The following KIRREL3 variants were observed in gnomAD, a reference collection of about 807,000 sequenced individuals.
KIRREL3 encodes kirre like nephrin family adhesion molecule 3.
In KIRREL3, 36 loss-of-function variants were observed where a neutral mutation model predicts 89.7. The observed-to-expected ratio is 0.40, with a 90% CI of 0.31 to 0.53. KIRREL3 has a LOEUF of 0.53. Among genes scored for constraint, KIRREL3 ranks in the 20% least tolerant of loss-of-function variants. KIRREL3 has a pLI of 0.49. For synonymous variants in KIRREL3, 445 were observed against 441.4 expected, an observed-to-expected ratio of 1.01 and a Z score of -0.10; for missense variants, 864 against 1,056.6, an observed-to-expected ratio of 0.82 and a Z score of 2.53.
chr11:126,532,943 G>T (rs973113786), intron 2 of KIRREL3, among the ~76,000 whole-genome samples: 1 of 151,414 alleles, frequency 6.6e-6, no homozygotes, highest in African/African-American at 2.4e-5. Context: ...TATTTTTATT[G>T]CTATAAAATT....
intron 1 of KIRREL3, among the ~76,000 whole-genome samples, chr11:126,992,900 TC>T (rs1393211331): frequency 6.6e-6 from 1 of 152,156 alleles, no homozygotes; most frequent in East Asian, 1.9e-4. Flanking sequence ...GTTTCCATGA[TC>T]TTTTTTCTTC....
chr11:126,440,585 AG>A, intron 10 of KIRREL3, 36 bp from the exon 11 acceptor site: 1 of 1,543,838 alleles, frequency 6.5e-7, no homozygotes. Context: ...GCACCCGGGA[AG>A]GGCACGTCCC....
rs769505887 is a variant in KIRREL3, at chr11:126,455,399, ATG to A, written c.848+948_848+949del. 5.2e-4 allele frequency among the ~76,000 whole-genome samples: 79 copies of A among 152,234 alleles called. 1 individual carries two copies. The highest frequency in any genetic ancestry group is 3.2e-3 in the Middle Eastern group (1 of 316). ...ATCTAAGGAGCATGTGGTTTATGCC[ATG>A]TGCTGTGCTGCATGCTGAGAGCCAT... On this transcript the variant is annotated intron_variant, in intron 7 of 16. Transcript: ENST00000525144. The surrounding 1 kb of genome is among the most constrained non-coding windows in gnomAD (Gnocchi z 6.4).
At chr11:126,583,839 C>T (rs747142192) in intron 1 of KIRREL3, among the ~76,000 whole-genome samples, 4 of 152,230 alleles carry the variant, frequency 2.6e-5, no homozygotes, top group South Asian at 2.1e-4. Flanking sequence ...TGACAGCTGA[C>T]GGCAGGCCCG....
intron 1 of KIRREL3, among the ~76,000 whole-genome samples, chr11:126,854,426 C>T (rs1334735006): frequency 6.6e-6 from 1 of 152,168 alleles, no homozygotes; most frequent in Non-Finnish European, 1.5e-5. Flanking sequence ...TCTACTTTGT[C>T]TCTATGAATT....
Position 126,496,467 on chromosome 11 carries a change from T to G in KIRREL3, c.434-23001A>C, listed in dbSNP as rs1228628083. 1.3e-5 allele frequency among the ~76,000 whole-genome samples: 2 copies of G among 152,014 alleles called. No homozygotes were observed. The highest frequency in any genetic ancestry group is 2.9e-5 in the Non-Finnish European group (2 of 68,012). On this transcript the variant is annotated intron_variant, in intron 4 of 16. Coordinates refer to ENST00000525144, the MANE Select transcript of KIRREL3 (RefSeq NM_032531.4). The surrounding 1 kb of genome is among the most constrained non-coding windows in gnomAD (Gnocchi z 4.9). ...CTAGGAATTCCCATGATAAGTTCAG[T>G]GCCTTCCCTGCCACCCCATGGCTGC...
chr11:126,444,889 G>C, intron 10 of KIRREL3, 90 bp downstream of exon 10: 2 of 1,554,288 alleles, frequency 1.3e-6, no homozygotes, highest in Non-Finnish European at 1.8e-6. Flanking sequence ...CAGAGCCAGC[G>C]ACAGCTCCTT....
rs917809933 is a variant in KIRREL3 at position 126,953,321 on chromosome 11, G to A, written c.55+47134C>T. ...ACACAGGGAGGGGACATCATACACC[G>A]GGGCTTGTTGTGGGGTGGGGGGCTA... On this transcript the variant is annotated intron_variant, in intron 1 of 16. Transcript: ENST00000525144. This position sits in a 1 kb window ranked among gnomAD's most constrained non-coding sequence, Gnocchi z 5.2. Among the ~76,000 whole-genome samples, 21 of 151,904 alleles carry A rather than the reference G, an allele frequency of 1.4e-4. No homozygotes were observed. The highest frequency in any genetic ancestry group is 1.9e-4 in the African/African-American group (8 of 41,320).
Position 126,898,005 on chromosome 11 carries a change from T to A in KIRREL3, c.55+102450A>T, listed in dbSNP as rs1044382942. ...GTCTAGCACTATTGTGTCACTGAAT[T>A]CCTACAGAATCTTAGCAGTCATTGT... On this transcript the variant is annotated intron_variant, in intron 1 of 16. Coordinates refer to ENST00000525144, the MANE Select transcript of KIRREL3 (RefSeq NM_032531.4). This position sits in a 1 kb window ranked among gnomAD's most constrained non-coding sequence, Gnocchi z 4.9. 2.0e-5 allele frequency among the ~76,000 whole-genome samples: 3 copies of A among 152,132 alleles called. No individual in the cohort carries two copies. The highest frequency in any genetic ancestry group is 2.0e-4 in the Admixed American group (3 of 15,280).
chr11:126,478,621 A>ATG (rs1491429618), intron 4 of KIRREL3, among the ~76,000 whole-genome samples: 1 of 149,632 alleles, frequency 6.7e-6, no homozygotes, highest in African/African-American at 2.5e-5. Context: ...ATATGTGTGT[A>ATG]TGTGTGTATG....
In KIRREL3 at chr11:126,668,880, G is replaced by A. The variant is rs1396725032; in HGVS notation, c.56-105968C>T. 1.3e-5 allele frequency among the ~76,000 whole-genome samples: 2 copies of A among 151,786 alleles called. No individual in the cohort carries two copies. The highest frequency in any genetic ancestry group is 6.6e-5 in the Admixed American group (1 of 15,228). On this transcript the variant is annotated intron_variant, in intron 1 of 16. Coordinates refer to ENST00000525144, the MANE Select transcript of KIRREL3 (RefSeq NM_032531.4). The surrounding 1 kb of genome is among the most constrained non-coding windows in gnomAD (Gnocchi z 4.4). ...TGCTGCTAAGAATCTATTCCTATAG[G>A]CGTTTGGTCATTGCAGGGTTAAGAA...
intron 1 of KIRREL3, among the ~76,000 whole-genome samples, chr11:126,938,890 T>C (rs184074102): frequency 5.6e-4 from 86 of 152,298 alleles, no homozygotes; most frequent in African/African-American, 1.9e-3. Context: ...CCAGTTTTTG[T>C]CAGCACCAGG....
intron 1 of KIRREL3, among the ~76,000 whole-genome samples, chr11:126,751,619 A>G (rs763216606): frequency 1.3e-5 from 2 of 152,176 alleles, no homozygotes; most frequent in Non-Finnish European, 2.9e-5. Flanking sequence ...ACAAGTAATC[A>G]TCGCAATATC....
At chr11:126,591,148 C>A (rs1297049785) in intron 1 of KIRREL3, among the ~76,000 whole-genome samples, 1 of 152,116 alleles carries the variant, frequency 6.6e-6, no homozygotes, top group African/African-American at 2.4e-5. Flanking sequence ...ATCGCTTGAG[C>A]CCGGGTGGAG....
rs1409988664 is a variant in KIRREL3, at chr11:126,515,433, G to C, written c.433+5882C>G. Among the ~76,000 whole-genome samples, 1 of 152,178 alleles carries C rather than the reference G, an allele frequency of 6.6e-6. No homozygotes were observed. Among genetic ancestry groups the C allele is most frequent in the Non-Finnish European group, 1.5e-5 (1 of 68,024 alleles). On this transcript the variant is annotated intron_variant, in intron 4 of 16. Transcript: ENST00000525144. This position sits in a 1 kb window ranked among gnomAD's most constrained non-coding sequence, Gnocchi z 4.2. Reference sequence around the variant, plus strand: ...CCACTGCACTTCAGTCTGGATGACAGAGCAAGACCCTGACTCAAAAAAAAG... The same window carrying C: ...CCACTGCACTTCAGTCTGGATGACACAGCAAGACCCTGACTCAAAAAAAAG...
intron 1 of KIRREL3, chr11:126,944,884 C>T (rs1168996426): frequency 6.6e-6 from 1 of 152,200 alleles, no homozygotes; most frequent in Admixed American, 6.5e-5. Context: ...CAGATTTAAT[C>T]TACAGGCTGT....
Position 126,431,226 on chromosome 11 carries a change from G to A in KIRREL3, c.1696+193C>T, listed in dbSNP as rs1041695239. 32 of 1,510,480 alleles carry A rather than the reference G, an allele frequency of 2.1e-5. No homozygotes were observed. The African/African-American group carries it at 3.9e-4, about 18-fold the overall frequency. 93.6% of individuals were successfully genotyped at this position (1,510,480 alleles called of 1,614,324 possible). On this transcript the variant is annotated intron_variant, in intron 14 of 16. Transcript: ENST00000525144. The surrounding 1 kb of genome is among the most constrained non-coding windows in gnomAD (Gnocchi z 7.1). ...TAGTCCAGGTCAACCTCAGCCTAGC[G>A]CCCACTCTGCCAGGCGCCATGTTGC...
rs866504306 is a variant in KIRREL3 at position 126,996,965 on chromosome 11, G to A, written c.55+3490C>T. Among the ~76,000 whole-genome samples the A allele has an allele frequency of 5.3e-5, 8 of 152,230 alleles. No individual in the cohort carries two copies. Among genetic ancestry groups the A allele is most frequent in the Middle Eastern group, 3.4e-3 (1 of 294 alleles). On this transcript the variant is annotated intron_variant, in intron 1 of 16. Coordinates refer to ENST00000525144, the MANE Select transcript of KIRREL3 (RefSeq NM_032531.4). This position sits in a 1 kb window ranked among gnomAD's most constrained non-coding sequence, Gnocchi z 4.7. ...GGAAGAGACCACCTTTCTTAAGAGC[G>A]AGTGTCTGGAGTAGAAGGCGCCAAG...
chr11:126,673,774 T>C (rs1946063996), intron 1 of KIRREL3, among the ~76,000 whole-genome samples: 1 of 152,178 alleles, frequency 6.6e-6, no homozygotes, highest in African/African-American at 2.4e-5. Flanking sequence ...GAGAAATGTA[T>C]TAATCCTTGC....
Sources: allele counts gnomAD v4.1 joint callset (sites outside exome capture counted in the v4.1 genomes callset), GRCh38; gene constraint gnomAD v4.1.1; non-coding constraint Gnocchi (gnomAD v3.1); transcripts MANE v1.5; gene names NCBI Gene and HGNC (gene_info 2026-07-23, HGNC 2026-07-21).